AKAP19: variants seen among roughly 807,000 people sequenced by gnomAD.
The protein encoded by AKAP19 is A-kinase anchoring protein 19, also known as small A-kinase anchoring protein.
the AKAP19 span, among the ~76,000 whole-genome samples, chr2:189,917,954 T>C: frequency 6.6e-6 from 1 of 152,082 alleles, no homozygotes. Context: ...TTTAGTGTTT[T>C]TAAATATCTC....
At chr2:190,060,219 T>G in the AKAP19 span, 2 of 1,613,102 alleles carry the variant, frequency 1.2e-6, no homozygotes. Context: ...AGTGCCTGGG[T>G]TCATGTCAAG....
chr2:190,201,139 T>C, the AKAP19 span: 4 of 167,102 alleles, frequency 2.4e-5, no homozygotes, highest in South Asian at 8.3e-4. Context: ...TTTTCTGGGT[T>C]TTTGTTATTT....
At chr2:189,993,865 A>G in the AKAP19 span, among the ~76,000 whole-genome samples, 1 of 152,012 alleles carries the variant, frequency 6.6e-6, no homozygotes, top group Non-Finnish European at 1.5e-5. Context: ...CTCCCATTAC[A>G]TTTCTAATTG....
the AKAP19 span, among the ~76,000 whole-genome samples, chr2:190,153,605 A>T: frequency 2.0e-5 from 3 of 152,306 alleles, no homozygotes; most frequent in African/African-American, 7.2e-5. Flanking sequence ...AAAAATCAAG[A>T]ATAGTTTTGG....
the AKAP19 span, among the ~76,000 whole-genome samples, chr2:189,925,037 T>C: frequency 6.6e-6 from 1 of 152,150 alleles, no homozygotes; most frequent in Admixed American, 6.5e-5. Context: ...ATTATACTCA[T>C]TTAACCTTGA....
At chr2:190,047,971 G>A in the AKAP19 span, among the ~76,000 whole-genome samples, 2 of 152,218 alleles carry the variant, frequency 1.3e-5, no homozygotes, top group South Asian at 2.1e-4. Flanking sequence ...TGCATTTAAG[G>A]GGGTTAAAAT....
At chr2:190,180,391 C>T in the AKAP19 span, 3 of 860,086 alleles carry the variant, frequency 3.5e-6, no homozygotes, top group South Asian at 5.3e-5. The surrounding 1 kb of genome is among the most constrained non-coding windows in gnomAD (Gnocchi z 6.8). Context: ...AGGGCAGCGC[C>T]CCCTCTCACC....
chr2:190,189,776 A>G, the AKAP19 span: 1 of 152,220 alleles, frequency 6.6e-6, no homozygotes, highest in African/African-American at 2.4e-5. Context: ...CATCATTCTA[A>G]ATCAAAGCAC....
At chr2:189,929,264 A>G in the AKAP19 span, among the ~76,000 whole-genome samples, 1 of 152,296 alleles carries the variant, frequency 6.6e-6, no homozygotes, top group East Asian at 1.9e-4. Flanking sequence ...GTAATGAGGG[A>G]TGCAGTATCT....
the AKAP19 span, among the ~76,000 whole-genome samples, chr2:189,949,087 C>T: frequency 6.6e-6 from 1 of 152,158 alleles, no homozygotes; most frequent in Non-Finnish European, 1.5e-5. Context: ...TCCCCCACCT[C>T]CCAGCAGACA....
At chr2:190,198,828 A>G in the AKAP19 span, among the ~76,000 whole-genome samples, 1 of 152,122 alleles carries the variant, frequency 6.6e-6, no homozygotes, top group African/African-American at 2.4e-5. Context: ...TAAGTCCCTT[A>G]AGAGGAGTTC....
At chr2:189,954,923 C>A in the AKAP19 span, among the ~76,000 whole-genome samples, 8 of 152,208 alleles carry the variant, frequency 5.3e-5, no homozygotes, top group South Asian at 1.0e-3. Context: ...TTAAACTATT[C>A]AGTTAGCAAA....
chr2:190,059,631 T>C, the AKAP19 span, among the ~76,000 whole-genome samples: 1 of 151,974 alleles, frequency 6.6e-6, no homozygotes, highest in African/African-American at 2.4e-5. Flanking sequence ...GGTTTATCTG[T>C]TTTATGCTAA....
the AKAP19 span, among the ~76,000 whole-genome samples, chr2:190,190,277 G>A: frequency 6.6e-6 from 1 of 151,848 alleles, no homozygotes; most frequent in Admixed American, 6.6e-5. Flanking sequence ...CTATTCATAG[G>A]GTCACTATTG....
At chr2:190,148,864 C>G in the AKAP19 span, among the ~76,000 whole-genome samples, 1 of 151,576 alleles carries the variant, frequency 6.6e-6, no homozygotes, top group Non-Finnish European at 1.5e-5. Flanking sequence ...TCTCCTGTTT[C>G]GTTTCTTAGT....
the AKAP19 span, among the ~76,000 whole-genome samples, chr2:189,900,051 A>C: frequency 6.6e-6 from 1 of 152,212 alleles, no homozygotes; most frequent in Admixed American, 6.5e-5. Flanking sequence ...AACAGTAAAT[A>C]TAGTCATATA....
At chr2:190,036,699 C>A in the AKAP19 span, among the ~76,000 whole-genome samples, 1 of 151,940 alleles carries the variant, frequency 6.6e-6, no homozygotes, top group Non-Finnish European at 1.5e-5. Flanking sequence ...GCTTTGGTAT[C>A]GTGTAGAATA....
the AKAP19 span, among the ~76,000 whole-genome samples, chr2:190,094,313 G>C: frequency 6.6e-6 from 1 of 152,184 alleles, no homozygotes; most frequent in Non-Finnish European, 1.5e-5. Flanking sequence ...TAGTGTACCA[G>C]AAGTTTTGTG....
chr2:190,014,496 A>T, the AKAP19 span, among the ~76,000 whole-genome samples: 1 of 152,166 alleles, frequency 6.6e-6, no homozygotes, highest in African/African-American at 2.4e-5. Context: ...CTCCCTCAAC[A>T]TGTGGGGATC....
Sources: gnomAD v4.1 joint callset for allele counts (sites outside exome capture counted in the v4.1 genomes callset) on GRCh38, gnomAD v4.1.1 for gene constraint, Gnocchi (gnomAD v3.1) non-coding constraint, MANE v1.5 for transcripts, NCBI Gene and HGNC (gene_info 2026-07-23, HGNC 2026-07-21) for gene names.